Variants in CALN1 observed in about 807,000 individuals in gnomAD.
CALN1 encodes the protein calneuron 1.
Under a neutral mutation model 30.6 loss-of-function variants are expected in CALN1, and 17 were observed. The observed-to-expected ratio is 0.56, with a 90% CI of 0.38 to 0.83. CALN1 has a LOEUF of 0.83. Among genes scored for constraint, CALN1 ranks in the 40% least tolerant of loss-of-function variants. The probability of loss-of-function intolerance (pLI) is 0.00; values close to 1 mark genes in which losing one functional copy is unlikely to be tolerated. For synonymous variants in CALN1, 156 were observed against 131.4 expected (o/e 1.19, Z -1.28); for missense variants, 291 against 354.9 (o/e 0.82, Z 1.45).
At chr7:72,073,241 T>G (rs1021435892) in intron 4 of CALN1, among the ~76,000 whole-genome samples, 3 of 152,120 alleles carry the variant, frequency 2.0e-5, no homozygotes, top group Non-Finnish European at 2.9e-5. Flanking sequence ...TGACAGGAAC[T>G]GGGGGGAAGG....
At chr7:71,919,783 T>C (rs1177493825) in intron 5 of CALN1, among the ~76,000 whole-genome samples, 1 of 152,114 alleles carries the variant, frequency 6.6e-6, no homozygotes, top group East Asian at 1.9e-4. Flanking sequence ...AACCCTACAA[T>C]GATGCTACAA....
intron 4 of CALN1, among the ~76,000 whole-genome samples, chr7:72,057,804 G>T (rs1803365611): frequency 6.6e-6 from 1 of 152,102 alleles, no homozygotes; most frequent in Non-Finnish European, 1.5e-5. Flanking sequence ...CCCTATTTTG[G>T]TGTGGTCTTA....
Position 72,136,397 on chromosome 7 carries a change from T to C in CALN1, c.245-30103A>G, listed in dbSNP as rs118064761. ...GCTTCCTTTCCTCTCTCAGCCTTCA[T>C]AGAATTGAAAAGAGTTGGGGCCTTG... On this transcript the variant is annotated intron_variant, in intron 3 of 6. Transcript: ENST00000395275. Among the ~76,000 whole-genome samples the C allele has an allele frequency of 7.7e-3, 1,165 of 152,002 alleles. 6 individuals are homozygous for C. Among genetic ancestry groups the C allele is most frequent in the Admixed American group, 0.013 (192 of 15,290 alleles).
intron 3 of CALN1, among the ~76,000 whole-genome samples, chr7:72,188,676 C>G (rs1004839850): frequency 5.3e-4 from 81 of 152,252 alleles, no homozygotes; most frequent in African/African-American, 1.9e-3. Context: ...AACCAAATAC[C>G]ATCCATTCCC....
chr7:72,399,476 G>A (rs1162161346), intron 2 of CALN1, among the ~76,000 whole-genome samples: 2 of 151,772 alleles, frequency 1.3e-5, no homozygotes, highest in African/African-American at 2.4e-5. Flanking sequence ...TCACCATGTT[G>A]GCCAAGATGG....
chr7:72,401,527 G>A (rs1159573652), intron 2 of CALN1, among the ~76,000 whole-genome samples: 1 of 152,202 alleles, frequency 6.6e-6, no homozygotes, highest in African/African-American at 2.4e-5. Context: ...GCCAGAAGGT[G>A]TAGAGACCCT....
chr7:72,043,028 G>C (rs1422717171), intron 4 of CALN1, among the ~76,000 whole-genome samples: 2 of 152,196 alleles, frequency 1.3e-5, no homozygotes, highest in East Asian at 1.9e-4. Context: ...TTTCGACCTA[G>C]AGCAGGAATA....
the CALN1 span, among the ~76,000 whole-genome samples, chr7:72,488,265 G>A: frequency 6.6e-6 from 1 of 151,980 alleles, no homozygotes; most frequent in South Asian, 2.1e-4. Context: ...CAGTTACTTG[G>A]GAGGCTGAGG....
chr7:72,168,511 A>C (rs1158217655), intron 3 of CALN1, among the ~76,000 whole-genome samples: 1 of 152,180 alleles, frequency 6.6e-6, no homozygotes, highest in Non-Finnish European at 1.5e-5. Context: ...CAAAATTCCA[A>C]GCATTACAAG....
chr7:72,258,632 TGAA>T (rs1197371431), intron 3 of CALN1, among the ~76,000 whole-genome samples: 1 of 152,166 alleles, frequency 6.6e-6, no homozygotes. Context: ...CCAAAAGATA[TGAA>T]GAAGCCAGGG....
At chr7:72,252,436 C>T (rs569656089) in intron 3 of CALN1, among the ~76,000 whole-genome samples, 28 of 152,128 alleles carry the variant, frequency 1.8e-4, no homozygotes, top group African/African-American at 6.3e-4. Flanking sequence ...CTCTTCTCTA[C>T]TAAAAATACA....
At chr7:72,390,420 G>A (rs1222305768) in intron 2 of CALN1, among the ~76,000 whole-genome samples, 3 of 152,220 alleles carry the variant, frequency 2.0e-5, no homozygotes, top group Admixed American at 1.3e-4. Context: ...GACAGTGCAA[G>A]ACTCTGTCTA....
At chr7:71,951,602 A>G (rs570951908) in intron 5 of CALN1, among the ~76,000 whole-genome samples, 1 of 152,300 alleles carries the variant, frequency 6.6e-6, no homozygotes, top group East Asian at 1.9e-4. Context: ...ATAACAAACA[A>G]ACAAAAACAA....
At chr7:71,977,756 A>AC (rs1297751910) in intron 5 of CALN1, among the ~76,000 whole-genome samples, 2 of 151,906 alleles carry the variant, frequency 1.3e-5, no homozygotes, top group Non-Finnish European at 2.9e-5. Context: ...ACATGGTGAA[A>AC]CCCCATCTCT....
intron 3 of CALN1, among the ~76,000 whole-genome samples, chr7:72,186,748 T>C (rs1468166454): frequency 1.3e-5 from 2 of 152,160 alleles, no homozygotes; most frequent in Non-Finnish European, 2.9e-5. Context: ...GATTTTGTCC[T>C]TTTTTACAGT....
rs369260429 is a variant in CALN1, at chr7:72,165,207, G to A, written c.245-58913C>T. Among the ~76,000 whole-genome samples, 63 of 152,268 alleles carry A rather than the reference G, an allele frequency of 4.1e-4. 1 individual carries two copies. The East Asian group carries it at 6.6e-3, about 16-fold the overall frequency. On this transcript the variant is annotated intron_variant, in intron 3 of 6. Coordinates refer to ENST00000395275, the MANE Select transcript of CALN1 (RefSeq NM_031468.4). ...TGCCCACCAGAACCCAGAACCTACC[G>A]TTTCAAATTTCTTCAAGGCAACTGC... is the stretch of plus-strand genomic sequence containing the variant.
chr7:72,470,243 G>A, the CALN1 span, among the ~76,000 whole-genome samples: 1 of 152,138 alleles, frequency 6.6e-6, no homozygotes, highest in Non-Finnish European at 1.5e-5. Flanking sequence ...GTGCAGTAAT[G>A]TGCATAGAGC....
At chr7:72,271,575 A>AAAAAAAAAAAAAAAAATATATATAT in intron 3 of CALN1, among the ~76,000 whole-genome samples, 12 of 52,118 alleles carry the variant, frequency 2.3e-4, no homozygotes, top group Admixed American at 5.9e-4. Flanking sequence ...AAAAAAAAAA[A>AAAAAAAAAAAAAAAAATATATATAT]ATATATATAT....
chr7:72,247,339 C>A (rs1229794754), intron 3 of CALN1, among the ~76,000 whole-genome samples: 1 of 148,692 alleles, frequency 6.7e-6, no homozygotes, highest in African/African-American at 2.5e-5. Flanking sequence ...AGTTCCGCCT[C>A]CCGGTTCACG....
Sources: gnomAD v4.1 joint callset for allele counts (sites outside exome capture counted in the v4.1 genomes callset) on GRCh38, gnomAD v4.1.1 for gene constraint, MANE v1.5 for transcripts, NCBI Gene and HGNC (gene_info 2026-07-23, HGNC 2026-07-21) for gene names.